Variants in DPP6 observed in about 807,000 individuals in gnomAD.
DPP6 encodes the protein dipeptidyl peptidase like 6, also known as A-type potassium channel modulatory protein DPP6.
In DPP6, 69 loss-of-function variants were observed where a neutral mutation model predicts 122.6. That is an observed-to-expected ratio of 0.56 (90% CI 0.46 to 0.69). The LOEUF is 0.69. Ranked by LOEUF, DPP6 falls within the 30% of genes least tolerant of loss-of-function variation. The pLI is 0.00. For missense variants in DPP6, 928 were observed against 1,116.9 expected (o/e 0.83, Z 2.41); for synonymous variants, 418 against 433.1 (o/e 0.97, Z 0.43).
intron 1 of DPP6, among the ~76,000 whole-genome samples, chr7:153,944,787 C>A (rs565442717): frequency 6.6e-6 from 1 of 151,186 alleles, no homozygotes; most frequent in Non-Finnish European, 1.5e-5. Flanking sequence ...CACACCACCA[C>A]GCCTGGCTAA....
intron 1 of DPP6, among the ~76,000 whole-genome samples, chr7:154,063,955 A>G (rs1802494533): frequency 6.6e-6 from 1 of 151,960 alleles, no homozygotes; most frequent in African/African-American, 2.4e-5. Context: ...AGAGCATCCA[A>G]GAATGAGAAG....
intron 1 of DPP6, among the ~76,000 whole-genome samples, chr7:154,071,628 C>T (rs11773561): frequency 0.24 from 36,868 of 152,020 alleles, 5,244 homozygotes; most frequent in Non-Finnish European, 0.31. Context: ...ATCAAGGCTT[C>T]GGCAATCTCG....
At chr7:154,543,538 A>C (rs1430788300) in intron 4 of DPP6, among the ~76,000 whole-genome samples, 2 of 152,220 alleles carry the variant, frequency 1.3e-5, no homozygotes, top group African/African-American at 4.8e-5. Context: ...TGATTAAGCA[A>C]ATTCAGAGCT....
intron 3 of DPP6, among the ~76,000 whole-genome samples, chr7:154,491,672 A>G (rs935658233): frequency 2.0e-5 from 3 of 150,162 alleles, no homozygotes; most frequent in African/African-American, 7.6e-5. Context: ...CTTGAAGAAC[A>G]GGAGAAGATA....
chr7:154,004,417 G>T (rs888446895), intron 1 of DPP6, among the ~76,000 whole-genome samples: 1 of 151,928 alleles, frequency 6.6e-6, no homozygotes, highest in Non-Finnish European at 1.5e-5. Context: ...CATTTTGGTG[G>T]GGAGATATCT....
chr7:154,254,399 A>G (rs1312424850), intron 1 of DPP6, among the ~76,000 whole-genome samples: 1 of 152,186 alleles, frequency 6.6e-6, no homozygotes, highest in Non-Finnish European at 1.5e-5. Flanking sequence ...TTGTTTATTT[A>G]TAGATTTAGT....
chr7:153,757,720 G>T, the DPP6 span, among the ~76,000 whole-genome samples: 20 of 152,228 alleles, frequency 1.3e-4, no homozygotes, highest in Non-Finnish European at 2.4e-4. Context: ...CACTTTGGGA[G>T]GCCGAGGTAG....
chr7:154,042,644 A>G (rs1799822013), intron 1 of DPP6, among the ~76,000 whole-genome samples: 1 of 152,240 alleles, frequency 6.6e-6, no homozygotes. Flanking sequence ...TCCCTGAGCT[A>G]AAAGTCACCG....
At chr7:154,745,341 C>T (rs1842989525) in intron 8 of DPP6, among the ~76,000 whole-genome samples, 1 of 152,198 alleles carries the variant, frequency 6.6e-6, no homozygotes, top group Non-Finnish European at 1.5e-5. Context: ...CAAAATTCTC[C>T]TTTATAACAA....
chr7:154,695,934 C>T (rs1195901216), intron 7 of DPP6, among the ~76,000 whole-genome samples: 1 of 152,188 alleles, frequency 6.6e-6, no homozygotes, highest in East Asian at 1.9e-4. Flanking sequence ...CCGAAAGCCA[C>T]AGGTCTCAGC....
upstream of DPP6, among the ~76,000 whole-genome samples, chr7:153,884,990 A>ACATATATATATATT: frequency 9.0e-5 from 1 of 11,084 alleles, no homozygotes; most frequent in Admixed American, 1.2e-3. Flanking sequence ...AAACAAAAAT[A>ACATATATATATATT]TATATATATA....
intron 1 of DPP6, among the ~76,000 whole-genome samples, chr7:153,968,462 G>T (rs562269706): frequency 6.6e-6 from 1 of 152,104 alleles, no homozygotes; most frequent in Admixed American, 6.5e-5. Flanking sequence ...CAGACCTTTT[G>T]TGAAAAATGG....
intron 7 of DPP6, among the ~76,000 whole-genome samples, chr7:154,711,618 C>T (rs1352489): frequency 0.99 from 151,197 of 152,296 alleles, 75,058 homozygotes; most frequent in East Asian, 1. Flanking sequence ...CTAGTAGTTT[C>T]AGACTGGAAT....
chr7:154,443,163 G>C (rs1248473563), intron 1 of DPP6, among the ~76,000 whole-genome samples: 1 of 152,118 alleles, frequency 6.6e-6, no homozygotes, highest in Non-Finnish European at 1.5e-5. Flanking sequence ...CACTCCCTCT[G>C]TCTGGATTGT....
chr7:154,477,397 G>T (rs1290553396), intron 3 of DPP6, among the ~76,000 whole-genome samples: 1 of 152,124 alleles, frequency 6.6e-6, no homozygotes, highest in Non-Finnish European at 1.5e-5. Flanking sequence ...GAGCTCTAGG[G>T]TTCAGAGTAG....
chr7:154,030,686 G>A (rs956012582), intron 1 of DPP6, among the ~76,000 whole-genome samples: 1 of 152,046 alleles, frequency 6.6e-6, no homozygotes, highest in Non-Finnish European at 1.5e-5. Flanking sequence ...TGGATCTGAC[G>A]CTCTCCTCTT....
chr7:154,096,744 T>C (rs910390002), intron 1 of DPP6, among the ~76,000 whole-genome samples: 3 of 152,184 alleles, frequency 2.0e-5, no homozygotes, highest in African/African-American at 7.2e-5. Context: ...GTAAAAATAG[T>C]ATAATGACTA....
intron 5 of DPP6, among the ~76,000 whole-genome samples, chr7:154,613,007 T>C (rs1834007207): frequency 6.6e-6 from 1 of 152,212 alleles, no homozygotes; most frequent in Non-Finnish European, 1.5e-5. Context: ...TGCAAACTTC[T>C]GACTTCTTGT....
At chr7:153,803,769 A>G in the DPP6 span, among the ~76,000 whole-genome samples, 1 of 151,510 alleles carries the variant, frequency 6.6e-6, no homozygotes, top group African/African-American at 2.4e-5. Context: ...ATAAACTTAC[A>G]TATATGGAGA....
Sources: allele counts gnomAD v4.1 joint callset (sites outside exome capture counted in the v4.1 genomes callset), GRCh38; gene constraint gnomAD v4.1.1; transcripts MANE v1.5; gene names NCBI Gene and HGNC (gene_info 2026-07-23, HGNC 2026-07-21).